Variants in TRIM71 observed in about 807,000 individuals in gnomAD.
TRIM71 encodes E3 ubiquitin-protein ligase TRIM71.
In TRIM71, 9 loss-of-function variants were observed where a neutral mutation model predicts 61.2. That is an observed-to-expected ratio of 0.15 (90% CI 0.09 to 0.26). The LOEUF is 0.26. Among genes scored for constraint, TRIM71 ranks in the 10% least tolerant of loss-of-function variants. The pLI is 1.00. For synonymous variants in TRIM71, 645 were observed against 553.2 expected (o/e 1.17, Z -2.33); for missense variants, 998 against 1,238.7 (o/e 0.81, Z 2.92).
At chr3:32,841,769 C>T (rs190349794) in intron 1 of TRIM71, among the ~76,000 whole-genome samples, 19 of 152,268 alleles carry the variant, frequency 1.2e-4, no homozygotes, top group Admixed American at 9.8e-4. Flanking sequence ...TGGGACTTCA[C>T]CTAACTTGGA....
intron 1 of TRIM71, among the ~76,000 whole-genome samples, chr3:32,835,328 C>T (rs1385871644): frequency 1.3e-5 from 2 of 152,178 alleles, no homozygotes; most frequent in Non-Finnish European, 2.9e-5. Flanking sequence ...CTTGACTTTA[C>T]ACCTATTTGT....
chr3:32,848,098 C>T lies in TRIM71; in HGVS notation c.853-25720C>T, dbSNP rs552712148. 2.6e-5 allele frequency among the ~76,000 whole-genome samples: 4 copies of T among 152,278 alleles called. No individual in the cohort carries two copies. In the East Asian group the frequency reaches 5.8e-4, roughly 22 times the overall value. On this transcript the variant is annotated intron_variant, in intron 1 of 3. Transcript: ENST00000383763. ...TGGACACGCAGTCTTCCACAGATAA[C>T]GAGAGACGACTGTACTTTATACAAG...
chr3:32,887,910 C>A (rs1440146568), intron 3 of TRIM71, among the ~76,000 whole-genome samples: 2 of 152,174 alleles, frequency 1.3e-5, no homozygotes, highest in Non-Finnish European at 2.9e-5. Flanking sequence ...CCAGCTCTTT[C>A]AACAGTGGAC....
rs374629897 is a variant in TRIM71 at position 32,868,686 on chromosome 3, GT to G, written c.853-5118del. On this transcript the variant is annotated intron_variant, in intron 1 of 3. Coordinates refer to ENST00000383763, the MANE Select transcript of TRIM71 (RefSeq NM_001039111.3). The stretch of plus-strand genomic sequence containing the variant: ...GGAGACAATTGAGTGAGACATTAGG[GT>G]TTTTTTTTTTTTTAAAAAACTGTTT... 6.2e-3 allele frequency among the ~76,000 whole-genome samples: 871 copies of G among 139,960 alleles called. 4 individuals carry two copies. Among genetic ancestry groups the G allele is most frequent in the African/African-American group, 0.017 (673 of 39,006 alleles). The allele number at this position is 139,960 out of a possible 152,430, so 91.8% of individuals were successfully genotyped here. A position where few individuals can be genotyped will look rare whatever the true frequency, so the allele number is the denominator to read the frequency against.
chr3:32,889,111 T>C (rs1246403913), intron 3 of TRIM71, among the ~76,000 whole-genome samples: 1 of 152,236 alleles, frequency 6.6e-6, no homozygotes, highest in Admixed American at 6.5e-5. Context: ...ATTTCTTCGT[T>C]TGCTTTTGAA....
At chr3:32,854,946 T>G (rs1322093066) in intron 1 of TRIM71, among the ~76,000 whole-genome samples, 1 of 152,152 alleles carries the variant, frequency 6.6e-6, no homozygotes, top group Non-Finnish European at 1.5e-5. Context: ...AAGAGGTGAG[T>G]GCAGCACACA....
intron 2 of TRIM71, 133 bp downstream of exon 2, chr3:32,874,118 C>T (rs1283635515): frequency 2.2e-6 from 2 of 914,330 alleles, no homozygotes; most frequent in Non-Finnish European, 3.2e-6. Flanking sequence ...CAGGTGACAT[C>T]CCTGCAGCAG....
chr3:32,847,695 A>G (rs1324472274), intron 1 of TRIM71, among the ~76,000 whole-genome samples: 1 of 152,214 alleles, frequency 6.6e-6, no homozygotes, highest in Non-Finnish European at 1.5e-5. Flanking sequence ...AGTTAAATGC[A>G]GGCCTTTCCA....
At chr3:32,822,913 A>AT (rs1696157385) in intron 1 of TRIM71, among the ~76,000 whole-genome samples, 1 of 152,224 alleles carries the variant, frequency 6.6e-6, no homozygotes, top group African/African-American at 2.4e-5. Flanking sequence ...AATCCGATTG[A>AT]TTCATATTAA....
chr3:32,863,511 C>T (rs984948001), intron 1 of TRIM71, among the ~76,000 whole-genome samples: 1 of 152,090 alleles, frequency 6.6e-6, no homozygotes, highest in Non-Finnish European at 1.5e-5. Context: ...CCCTTGGGGT[C>T]CCTCTAGTTC....
chr3:32,833,183 T>A (rs899775602), intron 1 of TRIM71, among the ~76,000 whole-genome samples: 4 of 39,100 alleles, frequency 1.0e-4, no homozygotes, highest in Non-Finnish European at 6.4e-5. Flanking sequence ...AACTCTGTCT[T>A]TAAAAAAAAA....
intron 1 of TRIM71, among the ~76,000 whole-genome samples, chr3:32,839,545 G>A (rs1325025286): frequency 6.6e-6 from 1 of 151,930 alleles, no homozygotes; most frequent in African/African-American, 2.4e-5. Flanking sequence ...ATGTTACCAA[G>A]GAGGAACGTC....
At chr3:32,875,356 A>G (rs1038549337) in intron 2 of TRIM71, among the ~76,000 whole-genome samples, 6 of 152,238 alleles carry the variant, frequency 3.9e-5, no homozygotes, top group Admixed American at 3.9e-4. Context: ...CTGAATTTCT[A>G]TTAAATCTTG....
intron 1 of TRIM71, among the ~76,000 whole-genome samples, chr3:32,867,608 A>C (rs1005759167): frequency 6.6e-6 from 1 of 152,212 alleles, no homozygotes; most frequent in Non-Finnish European, 1.5e-5. Flanking sequence ...CTAAACCAGC[A>C]TCCCCAGCCA....
At chr3:32,839,885 T>C (rs990763697) in intron 1 of TRIM71, among the ~76,000 whole-genome samples, 2 of 152,122 alleles carry the variant, frequency 1.3e-5, no homozygotes, top group Non-Finnish European at 2.9e-5. Flanking sequence ...CTGAGTGCTT[T>C]TGAGGAGCTG....
chr3:32,864,923 A>G (rs1226389012), intron 1 of TRIM71, among the ~76,000 whole-genome samples: 2 of 150,420 alleles, frequency 1.3e-5, no homozygotes, highest in Admixed American at 6.7e-5. Context: ...TGCTAATTTT[A>G]GCTCAACATG....
At chr3:32,832,260 A>G (rs1696280888) in intron 1 of TRIM71, among the ~76,000 whole-genome samples, 1 of 152,138 alleles carries the variant, frequency 6.6e-6, no homozygotes, top group African/African-American at 2.4e-5. Context: ...TGAAACTGGG[A>G]ATTTCGAGAC....
rs190321246 is a variant in TRIM71 at position 32,841,114 on chromosome 3, G to A, written c.852+22182G>A. Among the ~76,000 whole-genome samples, 162 of 152,128 alleles carry A rather than the reference G, an allele frequency of 1.1e-3. No individual in the cohort carries two copies. In the Middle Eastern group the frequency reaches 0.027, roughly 26 times the overall value. The stretch of plus-strand genomic sequence containing the variant: ...CAAAAAATTAGCCGGGCGTGGTGGC[G>A]GTCGCCTGTAGTCCTAGCTACTCGG... On this transcript the variant is annotated intron_variant, in intron 1 of 3. Transcript: ENST00000383763.
At chr3:32,843,745 G>T (rs1696437769) in intron 1 of TRIM71, among the ~76,000 whole-genome samples, 1 of 152,176 alleles carries the variant, frequency 6.6e-6, no homozygotes, top group Admixed American at 6.5e-5. Flanking sequence ...TTCTGGAGGA[G>T]TCTTCGCCCA....
Sources: allele counts gnomAD v4.1 joint callset (sites outside exome capture counted in the v4.1 genomes callset), GRCh38; gene constraint gnomAD v4.1.1; transcripts MANE v1.5; gene names NCBI Gene and HGNC (gene_info 2026-07-23, HGNC 2026-07-21).